The following EXTL2 variants were observed in gnomAD, a reference collection of about 807,000 sequenced individuals.
The protein encoded by EXTL2 is exostosin like glycosyltransferase 2, also known as exostosin-like 2.
A neutral mutation model predicts 30.7 loss-of-function variants in EXTL2; 23 were observed. The ratio of observed to expected loss-of-function variants is 0.75; its 90% CI spans 0.54 to 1.06. EXTL2 has a LOEUF of 1.06. Among genes scored for constraint, EXTL2 ranks in the 50% least tolerant of loss-of-function variants. EXTL2 has a pLI of 0.00. For missense variants in EXTL2, 352 were observed against 396.3 expected (o/e 0.89, Z 0.95); for synonymous variants, 123 against 133.8 (o/e 0.92, Z 0.56).
chr1:100,889,353 C>T (rs538544398), intron 1 of EXTL2, among the ~76,000 whole-genome samples: 6 of 152,290 alleles, frequency 3.9e-5, no homozygotes, highest in Non-Finnish European at 7.4e-5. Flanking sequence ...GGGTCCATCC[C>T]ACAACAAGTG....
At chr1:100,894,520 C>T (rs1650717951) in intron 1 of EXTL2, 113 bp downstream of exon 1, 1 of 152,138 alleles carries the variant, frequency 6.6e-6, no homozygotes, top group Non-Finnish European at 1.5e-5. Context: ...AATAAAACCA[C>T]CGAATACTCC....
chr1:100,882,334 C>CAA (rs1649625523), intron 2 of EXTL2, among the ~76,000 whole-genome samples: 1 of 152,226 alleles, frequency 6.6e-6, no homozygotes, highest in Non-Finnish European at 1.5e-5. Flanking sequence ...ATGCACAGGA[C>CAA]AGCCCCCCAT....
chr1:100,890,671 A>T (rs1329041017), intron 1 of EXTL2, among the ~76,000 whole-genome samples: 4 of 152,184 alleles, frequency 2.6e-5, no homozygotes. Context: ...AGCAAGAGTG[A>T]CCTTTGCTGC....
In EXTL2 at chr1:100,891,499, G is replaced by T. The variant is rs1213213691; in HGVS notation, c.-71-2671C>A. 3.3e-5 allele frequency among the ~76,000 whole-genome samples: 5 copies of T among 152,188 alleles called. No homozygotes were observed. The East Asian group carries it at 7.7e-4, about 23-fold the overall frequency. ...AGAGTTTTTAAGGATAATCTGTTGG[G>T]TAAGGGGCCAGTGAGTTGGGAGTGC... On this transcript the variant is annotated intron_variant, in intron 1 of 4. Coordinates refer to ENST00000370114, the MANE Select transcript of EXTL2 (RefSeq NM_001033025.3).
chr1:100,890,124 T>C (rs1423044296), intron 1 of EXTL2, among the ~76,000 whole-genome samples: 1 of 152,220 alleles, frequency 6.6e-6, no homozygotes, highest in African/African-American at 2.4e-5. Context: ...CTCTGAAATG[T>C]AGACAGAGGT....
upstream of EXTL2, chr1:100,895,053 T>A (rs558064860): frequency 2.6e-5 from 4 of 152,336 alleles, no homozygotes; most frequent in East Asian, 7.7e-4. Context: ...AGCCTTCCCA[T>A]CCACCGCGGG....
At chr1:100,892,679 A>G (rs1350796195) in intron 1 of EXTL2, among the ~76,000 whole-genome samples, 2 of 152,214 alleles carry the variant, frequency 1.3e-5, no homozygotes, top group African/African-American at 2.4e-5. Flanking sequence ...AGCAAAATAA[A>G]TGCACACGAT....
At position 100,891,397 on chromosome 1, in the gene EXTL2, A is replaced by G. The variant is rs114431332; in HGVS notation, c.-71-2569T>C. ...GGGGAATTGCAAAAAAGAAAGAGTA[A>G]TCTATGCAGAGCTGGTTGTGCGGGA... On this transcript the variant is annotated intron_variant, in intron 1 of 4. Transcript: ENST00000370114. 2.8e-4 allele frequency among the ~76,000 whole-genome samples: 43 copies of G among 152,342 alleles called. No individual in the cohort carries two copies. In the East Asian group the frequency reaches 6.0e-3, roughly 21 times the overall value.
At chr1:100,886,324 C>G (rs1326468725) in intron 2 of EXTL2, among the ~76,000 whole-genome samples, 1 of 152,180 alleles carries the variant, frequency 6.6e-6, no homozygotes, top group Non-Finnish European at 1.5e-5. Flanking sequence ...TGCAATAGGT[C>G]ATTTAGCACT....
intron 1 of EXTL2, among the ~76,000 whole-genome samples, chr1:100,891,546 A>G (rs1450938758): frequency 1.3e-5 from 2 of 152,112 alleles, no homozygotes; most frequent in Non-Finnish European, 2.9e-5. Context: ...CTTGTGGATG[A>G]AATCTTAGGG....
intron 2 of EXTL2, among the ~76,000 whole-genome samples, chr1:100,883,358 C>T (rs2100943844): frequency 6.6e-6 from 1 of 152,124 alleles, no homozygotes; most frequent in East Asian, 1.9e-4. Flanking sequence ...AACCCCAGAC[C>T]CATTAGCAGC....
chr1:100,893,005 T>C (rs1178884457), intron 1 of EXTL2, among the ~76,000 whole-genome samples: 3 of 152,188 alleles, frequency 2.0e-5, no homozygotes, highest in African/African-American at 7.2e-5. Flanking sequence ...TTCTGCCCCT[T>C]AATTCTCTCT....
intron 2 of EXTL2, among the ~76,000 whole-genome samples, chr1:100,887,921 G>A (rs1221496102): frequency 2.0e-5 from 3 of 152,114 alleles, no homozygotes; most frequent in East Asian, 1.9e-4. Flanking sequence ...GGATGGTCTC[G>A]ATCTCCTGAC....
chr1:100,890,042 G>C (rs994377446), intron 1 of EXTL2, among the ~76,000 whole-genome samples: 4 of 152,216 alleles, frequency 2.6e-5, no homozygotes, highest in African/African-American at 9.6e-5. Flanking sequence ...CACTGCCCTA[G>C]CAGAGGTTCT....
chr1:100,878,200 T>G (rs564190333), intron 2 of EXTL2, among the ~76,000 whole-genome samples: 2 of 152,254 alleles, frequency 1.3e-5, no homozygotes, highest in South Asian at 2.1e-4. Flanking sequence ...TCTCCAGAAC[T>G]GAGATTATTT....
chr1:100,876,246 T>C (rs1437887892), intron 4 of EXTL2, among the ~76,000 whole-genome samples: 1 of 152,008 alleles, frequency 6.6e-6, no homozygotes, highest in East Asian at 1.9e-4. Flanking sequence ...TTTTATAGGA[T>C]ACTGACCAAT....
rs777121235 is a variant in EXTL2 at position 100,874,423 on chromosome 1, G to A, written c.512C>T (p.Pro171Leu). Residue 171 changes from proline (P) to leucine (L), a missense_variant, in exon 5 of 5, where the codon CCT (proline) becomes CTT (leucine). Physicochemically the swap from Pro to Leu is moderately conservative, Grantham distance 98. Transcript: ENST00000370114. ...VFAFSVWQQF[P>L]DQIVGFVPRK... Reference sequence around the variant, plus strand: ...AGGAACAAATCCTACAATTTGATCAGGAAATTGCTGAAAAGAGGGAAAAAG... The same window carrying A: ...AGGAACAAATCCTACAATTTGATCAAGAAATTGCTGAAAAGAGGGAAAAAG... The A allele has an allele frequency of 1.9e-6, 3 of 1,578,410 alleles. No individual in the cohort carries two copies. The Admixed American group carries it at 5.6e-5, about 29-fold the overall frequency.
At chr1:100,874,497 A>G in intron 4 of EXTL2, 67 bp from the exon 5 acceptor site, 2 of 1,251,508 alleles carry the variant, frequency 1.6e-6, no homozygotes, top group South Asian at 1.5e-5. Flanking sequence ...GAAAAAGGCA[A>G]TGATTTATTA....
intron 2 of EXTL2, among the ~76,000 whole-genome samples, chr1:100,881,877 C>CA (rs1487678121): frequency 3.9e-5 from 6 of 152,176 alleles, no homozygotes; most frequent in Non-Finnish European, 8.8e-5. Context: ...TACTGGTCTG[C>CA]AGCCTGTTAG....
Sources: gnomAD v4.1 joint callset for allele counts (sites outside exome capture counted in the v4.1 genomes callset) on GRCh38, gnomAD v4.1.1 for gene constraint, MANE v1.5 for transcripts, NCBI Gene and HGNC (gene_info 2026-07-23, HGNC 2026-07-21) for gene names.